The following GRAMD1B variants were observed in gnomAD, a reference collection of about 807,000 sequenced individuals.
GRAMD1B encodes the protein GRAM domain containing 1B, also known as protein Aster-B.
A neutral mutation model predicts 99.7 loss-of-function variants in GRAMD1B; 37 were observed. The observed-to-expected ratio is 0.37, with a 90% CI of 0.29 to 0.49. The LOEUF (loss-of-function observed/expected upper bound fraction) is 0.49, where lower values mean the gene tolerates loss of function less well. GRAMD1B is among the 20% of genes least tolerant of loss of function. The probability of loss-of-function intolerance (pLI) is 0.98; values close to 1 mark genes in which losing one functional copy is unlikely to be tolerated. For synonymous variants in GRAMD1B, 427 were observed against 387.6 expected (o/e 1.10, Z -1.19); for missense variants, 888 against 1,009.2 (o/e 0.88, Z 1.63).
chr11:123,586,891 G>A (rs958751020), intron 4 of GRAMD1B, among the ~76,000 whole-genome samples: 2 of 152,208 alleles, frequency 1.3e-5, no homozygotes, highest in African/African-American at 2.4e-5. Context: ...GATATCTGAG[G>A]CTCATTCGTT....
intron 2 of GRAMD1B, among the ~76,000 whole-genome samples, chr11:123,555,103 A>C (rs12289656): frequency 0.017 from 2,563 of 152,248 alleles, 75 homozygotes; most frequent in African/African-American, 0.059. Flanking sequence ...TACTGACAAG[A>C]TATAACATTG....
At chr11:123,447,062 A>G (rs569568975) in intron 1 of GRAMD1B, among the ~76,000 whole-genome samples, 50 of 152,152 alleles carry the variant, frequency 3.3e-4, no homozygotes, top group Non-Finnish European at 6.5e-4. Context: ...GGAGATCACT[A>G]TGTAAAAGTT....
chr11:123,434,386 G>A (rs1422420926), intron 1 of GRAMD1B, among the ~76,000 whole-genome samples: 1 of 152,170 alleles, frequency 6.6e-6, no homozygotes, highest in Non-Finnish European at 1.5e-5. Context: ...TTTGGATTGT[G>A]TGTAAAACAA....
chr11:123,550,991 A>C (rs1018449918), intron 2 of GRAMD1B, among the ~76,000 whole-genome samples: 1 of 152,164 alleles, frequency 6.6e-6, no homozygotes, highest in African/African-American at 2.4e-5. Context: ...TCTACAAAAG[A>C]CTTGGAGACA....
chr11:123,428,728 G>A (rs1948741128), upstream of GRAMD1B, among the ~76,000 whole-genome samples: 1 of 152,212 alleles, frequency 6.6e-6, no homozygotes, highest in African/African-American at 2.4e-5. Context: ...TTAGGGATGT[G>A]AATTTTCCTC....
intron 2 of GRAMD1B, among the ~76,000 whole-genome samples, chr11:123,485,124 G>T (rs1951818805): frequency 6.6e-6 from 1 of 152,160 alleles, no homozygotes; most frequent in South Asian, 2.1e-4. Context: ...ACTGAAAACG[G>T]TCAAGGATGA....
At chr11:123,548,311 TATATATATATATATACACAC>T (rs1323580046) in intron 2 of GRAMD1B, among the ~76,000 whole-genome samples, 8 of 84,334 alleles carry the variant, frequency 9.5e-5, no homozygotes, top group African/African-American at 4.9e-4. Context: ...TATATATATA[TATATATATATATATACACAC>T]ACACACACAC....
intron 1 of GRAMD1B, among the ~76,000 whole-genome samples, chr11:123,378,401 T>C (rs1946761366): frequency 6.6e-6 from 1 of 152,226 alleles, no homozygotes; most frequent in Non-Finnish European, 1.5e-5. Context: ...AGGTGTTTTC[T>C]AACATTCCTA....
intron 4 of GRAMD1B, among the ~76,000 whole-genome samples, chr11:123,585,731 A>G (rs55804602): frequency 0.04 from 6,044 of 152,228 alleles, 123 homozygotes; most frequent in East Asian, 0.065. Flanking sequence ...GCACCTTTTT[A>G]AGCAGCATCG....
intron 4 of GRAMD1B, among the ~76,000 whole-genome samples, chr11:123,592,920 A>AT (rs1950837646): frequency 6.6e-6 from 1 of 151,772 alleles, no homozygotes; most frequent in South Asian, 2.1e-4. Flanking sequence ...TTTTTATTTT[A>AT]TTTTTTAAAT....
At chr11:123,527,922 G>A (rs1211730847) in intron 2 of GRAMD1B, among the ~76,000 whole-genome samples, 1 of 152,162 alleles carries the variant, frequency 6.6e-6, no homozygotes, top group Non-Finnish European at 1.5e-5. Flanking sequence ...AGCATCTCTT[G>A]ATGCATTTCA....
At chr11:123,583,020 GTA>G (rs1455617130) in intron 3 of GRAMD1B, among the ~76,000 whole-genome samples, 2 of 151,288 alleles carry the variant, frequency 1.3e-5, no homozygotes, top group African/African-American at 4.8e-5. Flanking sequence ...GTGTGCGTGT[GTA>G]TGTGTGTGAA....
At chr11:123,399,762 C>A (rs1234465643) in intron 1 of GRAMD1B, among the ~76,000 whole-genome samples, 1 of 152,142 alleles carries the variant, frequency 6.6e-6, no homozygotes, top group East Asian at 1.9e-4. Flanking sequence ...TGTGCACCAC[C>A]CACCACGCCA....
chr11:123,432,465 G>A (rs1425088526), intron 1 of GRAMD1B, among the ~76,000 whole-genome samples: 4 of 151,522 alleles, frequency 2.6e-5, no homozygotes, highest in Non-Finnish European at 5.9e-5. Context: ...GCTGAGGCAA[G>A]AGAATCGCTT....
intron 1 of GRAMD1B, among the ~76,000 whole-genome samples, chr11:123,366,155 T>G (rs962708651): frequency 6.6e-6 from 1 of 152,250 alleles, no homozygotes; most frequent in Non-Finnish European, 1.5e-5. Context: ...GCTTGTCTTT[T>G]GCATGCACGA....
intron 2 of GRAMD1B, among the ~76,000 whole-genome samples, chr11:123,545,726 T>G (rs1413561853): frequency 7.0e-6 from 1 of 143,042 alleles, no homozygotes; most frequent in African/African-American, 2.6e-5. Context: ...AAGAGTATTA[T>G]GTAAGTTTTC....
intron 7 of GRAMD1B, chr11:123,598,256 G>T (rs1951529367): frequency 1.4e-6 from 2 of 1,390,868 alleles, no homozygotes; most frequent in African/African-American, 2.8e-5. Flanking sequence ...TTTAGGCCAT[G>T]AAGCATATAC....
At chr11:123,377,552 A>C (rs1251091594) in intron 1 of GRAMD1B, among the ~76,000 whole-genome samples, 1 of 152,188 alleles carries the variant, frequency 6.6e-6, no homozygotes, top group East Asian at 1.9e-4. Flanking sequence ...TGAATATCAA[A>C]AGCAGCAGAT....
intron 2 of GRAMD1B, among the ~76,000 whole-genome samples, chr11:123,521,363 T>C (rs1045261586): frequency 6.6e-6 from 1 of 152,238 alleles, no homozygotes; most frequent in African/African-American, 2.4e-5. Context: ...TTAAATCGTT[T>C]GTCTATTTTT....
Sources: allele counts gnomAD v4.1 joint callset (sites outside exome capture counted in the v4.1 genomes callset), GRCh38; gene constraint gnomAD v4.1.1; transcripts MANE v1.5; gene names NCBI Gene and HGNC (gene_info 2026-07-23, HGNC 2026-07-21).